The following CEP170 variants were observed in gnomAD, a reference collection of about 807,000 sequenced individuals.
The protein encoded by CEP170 is centrosomal protein of 170 kDa.
In CEP170, 21 loss-of-function variants were observed where a neutral mutation model predicts 151.9. The observed-to-expected ratio is 0.14, with a 90% confidence interval of 0.10 to 0.20. The LOEUF is 0.20. Ranked by LOEUF, CEP170 falls within the 10% of genes least tolerant of loss-of-function variation. The pLI, the probability that CEP170 is intolerant of heterozygous loss-of-function variation, is 1.00. For missense variants in CEP170, 964 were observed against 1,892.9 expected (o/e 0.51, Z 9.11); for synonymous variants, 356 against 648.8 (o/e 0.55, Z 6.86).
At chr1:243,202,785 C>T (rs2061142259) in intron 4 of CEP170, among the ~76,000 whole-genome samples, 1 of 152,018 alleles carries the variant, frequency 6.6e-6, no homozygotes, top group South Asian at 2.1e-4. Flanking sequence ...AAATTCATAG[C>T]ATTCCTACTT....
chr1:243,144,423 T>A (rs1208193611), intron 14 of CEP170, among the ~76,000 whole-genome samples: 1 of 152,364 alleles, frequency 6.6e-6, no homozygotes, highest in African/African-American at 2.4e-5. Context: ...TATAATTTTT[T>A]AAAACATATT....
intron 7 of CEP170, among the ~76,000 whole-genome samples, chr1:243,197,310 C>A (rs1190985616): frequency 6.6e-6 from 1 of 152,038 alleles, no homozygotes; most frequent in Non-Finnish European, 1.5e-5. Context: ...GTTCTTTCCT[C>A]CTCAAAGGAC....
In CEP170 at chr1:243,140,304, TCTA is replaced by T. The variant is rs1294811713; in HGVS notation, c.4060-200_4060-198del. 3.7e-6 allele frequency: 3 copies of T among 801,162 alleles called. No homozygotes were observed. The African/African-American group carries it at 5.2e-5, about 14-fold the overall frequency. The allele number at this position is 801,162 out of a possible 1,614,324, so 49.6% of individuals were successfully genotyped here. ...ATTTCCTTTATAAAATCGAGATTCATCTACACAGGTTTTATTTTCAAAATCCAA... is the reference window on the plus strand; with the variant it reads ...ATTTCCTTTATAAAATCGAGATTCATCACAGGTTTTATTTTCAAAATCCAA... On this transcript the variant is annotated intron_variant, in intron 15 of 19. Coordinates refer to ENST00000366542, the MANE Select transcript of CEP170 (RefSeq NM_014812.3).
chr1:243,247,919 C>A (rs2065574446), intron 1 of CEP170, among the ~76,000 whole-genome samples: 1 of 152,164 alleles, frequency 6.6e-6, no homozygotes, highest in African/African-American at 2.4e-5. Context: ...CGTTTGGCTA[C>A]CACAATAAAC....
chr1:243,198,496 G>A (rs2060806931), intron 7 of CEP170, among the ~76,000 whole-genome samples: 1 of 151,982 alleles, frequency 6.6e-6, no homozygotes, highest in African/African-American at 2.4e-5. Context: ...TGAACAAAGT[G>A]GGAAATGTTC....
chr1:243,239,489 T>A (rs945059995), intron 1 of CEP170, among the ~76,000 whole-genome samples: 1 of 152,188 alleles, frequency 6.6e-6, no homozygotes, highest in African/African-American at 2.4e-5. Context: ...ATGTAATAAT[T>A]TCACTCCCTA....
intron 14 of CEP170, among the ~76,000 whole-genome samples, chr1:243,152,992 T>C (rs1210680336): frequency 1.3e-5 from 2 of 152,190 alleles, no homozygotes; most frequent in African/African-American, 4.8e-5. Flanking sequence ...AGGACTTCTG[T>C]GATTCATGGA....
chr1:243,231,765 G>C (rs2063782946), intron 1 of CEP170, among the ~76,000 whole-genome samples: 1 of 151,948 alleles, frequency 6.6e-6, no homozygotes, highest in African/African-American at 2.4e-5. Context: ...AATAATAAAA[G>C]AATAAAAGAA....
At chr1:243,131,499 A>G (rs71652470) in intron 17 of CEP170, among the ~76,000 whole-genome samples, 1 of 152,182 alleles carries the variant, frequency 6.6e-6, no homozygotes, top group Admixed American at 6.5e-5. Context: ...AAAACAAAAA[A>G]CAAAAAAACA....
chr1:243,171,533 C>T (rs1458729452), intron 11 of CEP170, among the ~76,000 whole-genome samples: 1 of 151,952 alleles, frequency 6.6e-6, no homozygotes, highest in Non-Finnish European at 1.5e-5. Context: ...CAAATTAGCT[C>T]ATTTCCTGAG....
chr1:243,183,952 T>C (rs907076004), intron 10 of CEP170, among the ~76,000 whole-genome samples: 7 of 152,190 alleles, frequency 4.6e-5, no homozygotes, highest in Non-Finnish European at 8.8e-5. Flanking sequence ...TTTCATCTGC[T>C]ACAATGACTT....
In CEP170 at chr1:243,167,872, C is replaced by T. The variant is rs532471826; in HGVS notation, c.1843+1756G>A. Among the ~76,000 whole-genome samples the T allele has an allele frequency of 1.1e-3, 169 of 151,936 alleles. 1 individual carries two copies. The highest frequency in any genetic ancestry group is 2.3e-3 in the Non-Finnish European group (157 of 67,800). ...CCTTTTGTATTTTTCCAGTATTTCT[C>T]ATACTGCCCCCTCCTCATATACATT... is the stretch of plus-strand genomic sequence containing the variant. On this transcript the variant is annotated intron_variant, in intron 12 of 19. Coordinates refer to ENST00000366542, the MANE Select transcript of CEP170 (RefSeq NM_014812.3).
intron 1 of CEP170, among the ~76,000 whole-genome samples, chr1:243,234,124 C>T (rs1434896338): frequency 6.6e-6 from 1 of 152,202 alleles, no homozygotes; most frequent in East Asian, 1.9e-4. Context: ...CCTCCTCTCA[C>T]CCCACAACTC....
chr1:243,254,641 C>T (rs2066393307), intron 1 of CEP170, among the ~76,000 whole-genome samples: 2 of 152,210 alleles, frequency 1.3e-5, no homozygotes, highest in South Asian at 4.1e-4. Context: ...CAATGCTCCG[C>T]CCGCACCCCT....
At position 243,224,791 on chromosome 1, in the gene CEP170, C is replaced by T. The variant is rs531524008; in HGVS notation, c.105+385G>A. ...TCAACAATCTTCACTTATGCTTGAA[C>T]TCCTGGCAGGTATCATAATGAACAT... is the stretch of plus-strand genomic sequence containing the variant. On this transcript the variant is annotated intron_variant, in intron 2 of 19. Transcript: ENST00000366542. 2.0e-5 allele frequency among the ~76,000 whole-genome samples: 3 copies of T among 152,302 alleles called. No individual in the cohort carries two copies. In the South Asian group the frequency reaches 6.2e-4, roughly 32 times the overall value.
intron 18 of CEP170, chr1:243,128,613 C>CT (rs1321400496): frequency 2.7e-5 from 6 of 224,532 alleles, no homozygotes; most frequent in Admixed American, 6.1e-5. Flanking sequence ...GTCGCCCAGA[C>CT]TGGAGTGCAA....
At chr1:243,155,980 G>C (rs1028717729) in intron 14 of CEP170, among the ~76,000 whole-genome samples, 2 of 151,916 alleles carry the variant, frequency 1.3e-5, no homozygotes, top group Non-Finnish European at 2.9e-5. Flanking sequence ...TAAAAAGGGA[G>C]GGGGGGAGAC....
chr1:243,241,229 C>G (rs1014088722), intron 1 of CEP170, among the ~76,000 whole-genome samples: 2 of 152,174 alleles, frequency 1.3e-5, no homozygotes, highest in South Asian at 4.1e-4. Flanking sequence ...TCGGTTCAGA[C>G]CAAGTGTTGC....
chr1:243,227,757 C>A (rs1451446552), intron 1 of CEP170, among the ~76,000 whole-genome samples: 1 of 152,100 alleles, frequency 6.6e-6, no homozygotes, highest in African/African-American at 2.4e-5. Context: ...ATAAAAAAGG[C>A]AAATAATGCT....
Sources: allele counts gnomAD v4.1 joint callset (sites outside exome capture counted in the v4.1 genomes callset), GRCh38; gene constraint gnomAD v4.1.1; transcripts MANE v1.5; gene names NCBI Gene and HGNC (gene_info 2026-07-23, HGNC 2026-07-21).